Variants in TSHZ2 observed in about 807,000 individuals in gnomAD.
TSHZ2 encodes teashirt homolog 2.
Under a neutral mutation model 74.4 loss-of-function variants are expected in TSHZ2, and 21 were observed. The observed-to-expected ratio is 0.28, with a 90% confidence interval of 0.20 to 0.41. TSHZ2 has a LOEUF of 0.41. Ranked by LOEUF, TSHZ2 falls within the 10% of genes least tolerant of loss-of-function variation. The pLI, the probability that TSHZ2 is intolerant of heterozygous loss-of-function variation, is 1.00. For synonymous variants in TSHZ2, 540 were observed against 515.3 expected, an observed-to-expected ratio of 1.05 and a Z score of -0.65; for missense variants, 1,244 against 1,293.5, an observed-to-expected ratio of 0.96 and a Z score of 0.59.
At chr20:53,274,206 A>T (rs1228040841) in intron 2 of TSHZ2, among the ~76,000 whole-genome samples, 2 of 152,194 alleles carry the variant, frequency 1.3e-5, no homozygotes, top group Admixed American at 1.3e-4. Flanking sequence ...GGAGACGGAG[A>T]TTGCAGTGAG....
chr20:53,431,638 T>C (rs1451930512), intron 2 of TSHZ2, among the ~76,000 whole-genome samples: 4 of 152,162 alleles, frequency 2.6e-5, no homozygotes, highest in African/African-American at 9.7e-5. Context: ...GTAGGAATTA[T>C]TATTATTCCC....
At chr20:53,246,905 C>T (rs570530601) in intron 1 of TSHZ2, among the ~76,000 whole-genome samples, 24 of 152,244 alleles carry the variant, frequency 1.6e-4, no homozygotes, top group Admixed American at 6.5e-4. Flanking sequence ...TATGCAAGCG[C>T]GGTACATGTA....
chr20:53,156,443 G>C (rs1199383594), intron 1 of TSHZ2, among the ~76,000 whole-genome samples: 3 of 152,144 alleles, frequency 2.0e-5, no homozygotes, highest in Non-Finnish European at 4.4e-5. Context: ...TTACATTCAA[G>C]TCACACATTC....
At chr20:53,120,411 T>TA (rs955156101) in intron 1 of TSHZ2, among the ~76,000 whole-genome samples, 6 of 151,450 alleles carry the variant, frequency 4.0e-5, no homozygotes, top group African/African-American at 7.3e-5. Context: ...TTTGTATCTT[T>TA]AAAAAAAAAG....
chr20:53,001,230 G>GTGTGTGTGTGTGTGTGTGTGTA (rs1982421383), intron 1 of TSHZ2, among the ~76,000 whole-genome samples: 2 of 126,114 alleles, frequency 1.6e-5, no homozygotes, highest in Non-Finnish European at 3.5e-5. Flanking sequence ...GTGTGTGTGT[G>GTGTGTGTGTGTGTGTGTGTGTA]TGTGTGTGTG....
chr20:53,065,877 A>G (rs1568743179), intron 1 of TSHZ2, among the ~76,000 whole-genome samples: 1 of 152,188 alleles, frequency 6.6e-6, no homozygotes, highest in Non-Finnish European at 1.5e-5. Flanking sequence ...TAGGGCATGT[A>G]GGTTAATTCA....
intron 2 of TSHZ2, among the ~76,000 whole-genome samples, chr20:53,426,150 G>T (rs1983648001): frequency 6.6e-6 from 1 of 152,168 alleles, no homozygotes; most frequent in Non-Finnish European, 1.5e-5. Flanking sequence ...ATGACTTCAT[G>T]AAAGGGTTGT....
chr20:53,198,571 A>C (rs747521847), intron 1 of TSHZ2, among the ~76,000 whole-genome samples: 1 of 152,252 alleles, frequency 6.6e-6, no homozygotes, highest in Non-Finnish European at 1.5e-5. Flanking sequence ...AATTTTGCTT[A>C]AAATGAAAAA....
chr20:53,113,620 A>G (rs1379413222), intron 1 of TSHZ2, among the ~76,000 whole-genome samples: 3 of 152,220 alleles, frequency 2.0e-5, no homozygotes, highest in Admixed American at 6.5e-5. Flanking sequence ...CAGAATATCT[A>G]AGAGGCAAAA....
chr20:53,368,837 T>C (rs1470680468), intron 2 of TSHZ2, among the ~76,000 whole-genome samples: 1 of 152,216 alleles, frequency 6.6e-6, no homozygotes, highest in Non-Finnish European at 1.5e-5. Flanking sequence ...CTTCTAGGCA[T>C]TGATGAAAAC....
At chr20:53,136,848 TC>T (rs1238817029) in intron 1 of TSHZ2, among the ~76,000 whole-genome samples, 2 of 152,172 alleles carry the variant, frequency 1.3e-5, no homozygotes, top group African/African-American at 2.4e-5. Flanking sequence ...GGATTTTTTT[TC>T]CCCTTCATTT....
intron 1 of TSHZ2, among the ~76,000 whole-genome samples, chr20:53,094,116 C>T (rs567954106): frequency 2.6e-5 from 4 of 151,686 alleles, no homozygotes; most frequent in South Asian, 4.2e-4. Context: ...ATTACTGTAT[C>T]GTCTGCAGAT....
chr20:53,234,021 C>T lies in TSHZ2; in HGVS notation c.41-19478C>T, dbSNP rs145599132. 4.5e-3 allele frequency among the ~76,000 whole-genome samples: 683 copies of T among 152,288 alleles called. 4 individuals carry two copies. Among genetic ancestry groups the T allele is most frequent in the African/African-American group, 0.014 (595 of 41,552 alleles). ...GCCCTGCATGGTTGTGGACACAACC[C>T]GGCTGAAAGCATGGGCCCAGTAAGT... On this transcript the variant is annotated intron_variant, in intron 1 of 2. Coordinates refer to ENST00000371497, the MANE Select transcript of TSHZ2 (RefSeq NM_173485.6).
chr20:53,242,813 A>C (rs990406050), intron 1 of TSHZ2, among the ~76,000 whole-genome samples: 1 of 152,236 alleles, frequency 6.6e-6, no homozygotes, highest in African/African-American at 2.4e-5. Flanking sequence ...GCAATCATTC[A>C]TTCACTTATG....
At position 53,488,241 on chromosome 20, in the gene TSHZ2, G is replaced by A. The variant is rs564224959; in HGVS notation, c.*1106G>A. The A allele has an allele frequency of 2.0e-5, 3 of 152,206 alleles. No individual in the cohort carries two copies. The highest frequency in any genetic ancestry group is 1.9e-4 in the East Asian group (1 of 5,182). 9.4% of individuals were successfully genotyped at this position (152,206 alleles called of 1,614,324 possible). ...TAATTAAGACATCCATTAAAAGCCC[G>A]TTAAAGTTAATTTAACGTAAAAATT... On this transcript the variant is annotated 3_prime_UTR_variant, in exon 3 of 3. Coordinates refer to ENST00000371497, the MANE Select transcript of TSHZ2 (RefSeq NM_173485.6).
chr20:53,415,342 T>A (rs918941378), intron 2 of TSHZ2, among the ~76,000 whole-genome samples: 1 of 152,154 alleles, frequency 6.6e-6, no homozygotes, highest in Non-Finnish European at 1.5e-5. Context: ...GATAAAATGA[T>A]CAGTACAGAT....
rs550684702 is a variant in TSHZ2 at position 53,337,419 on chromosome 20, C to T, written c.*8+80848C>T. Among the ~76,000 whole-genome samples, 32 of 152,192 alleles carry T rather than the reference C, an allele frequency of 2.1e-4. 1 individual carries two copies. The highest frequency in any genetic ancestry group is 6.8e-3 in the Middle Eastern group (2 of 294). ...AAAGTCCCTTCTAACAAGGTTTTGC[C>T]TTTTTCATTAGAGAAGGACCCATTC... On this transcript the variant is annotated intron_variant, in intron 2 of 2. Coordinates refer to ENST00000371497, the MANE Select transcript of TSHZ2 (RefSeq NM_173485.6).
rs968340214 is a variant in TSHZ2 at position 53,256,786 on chromosome 20, G to A, written c.*8+215G>A. ...TTAGAGCTGGGAACTAGAATAAAAC[G>A]GGTTTAGAGAGATAAAGTTCACAGA... On this transcript the variant is annotated intron_variant, in intron 2 of 2. Transcript: ENST00000371497. This position sits in a 1 kb window ranked among gnomAD's most constrained non-coding sequence, Gnocchi z 4.3. 1.3e-5 allele frequency among the ~76,000 whole-genome samples: 2 copies of A among 152,174 alleles called. No homozygotes were observed. The highest frequency in any genetic ancestry group is 2.1e-4 in the South Asian group (1 of 4,830).
chr20:53,207,965 G>T (rs746647146), intron 1 of TSHZ2, among the ~76,000 whole-genome samples: 3 of 147,738 alleles, frequency 2.0e-5, no homozygotes, highest in Non-Finnish European at 4.4e-5. Context: ...CTCCCAAAGT[G>T]CTGGGATGAC....
Sources: gnomAD v4.1 joint callset for allele counts (sites outside exome capture counted in the v4.1 genomes callset) on GRCh38, gnomAD v4.1.1 for gene constraint, Gnocchi (gnomAD v3.1) non-coding constraint, MANE v1.5 for transcripts, NCBI Gene and HGNC (gene_info 2026-07-23, HGNC 2026-07-21) for gene names.